TCP1: variants seen among roughly 807,000 people sequenced by gnomAD.
The protein encoded by TCP1 is T-complex protein 1 subunit alpha.
Under a neutral mutation model 54.7 loss-of-function variants are expected in TCP1, and 6 were observed. The observed-to-expected ratio is 0.11, with a 90% CI of 0.06 to 0.22. TCP1 has a LOEUF of 0.22. Among genes scored for constraint, TCP1 ranks in the 10% least tolerant of loss-of-function variants. TCP1 has a pLI of 1.00. For missense variants in TCP1, 511 were observed against 678.2 expected (o/e 0.75, Z 2.74); for synonymous variants, 225 against 229.7 (o/e 0.98, Z 0.19).
chr6:159,781,387 C>G (rs1780572748), intron 7 of TCP1, among the ~76,000 whole-genome samples: 1 of 152,142 alleles, frequency 6.6e-6, no homozygotes, highest in African/African-American at 2.4e-5. Flanking sequence ...AGAGGGATTA[C>G]CAATCACACT....
At chr6:159,785,798 A>G in intron 4 of TCP1, 102 bp downstream of exon 4, 1 of 958,410 alleles carries the variant, frequency 1.0e-6, no homozygotes, top group Non-Finnish European at 1.6e-6. Context: ...ATTTAAATTG[A>G]AGGTTTTCAA....
At chr6:159,782,152 G>A (rs937355486) in intron 7 of TCP1, among the ~76,000 whole-genome samples, 1 of 152,194 alleles carries the variant, frequency 6.6e-6, no homozygotes, top group South Asian at 2.1e-4. Flanking sequence ...TTACTCAGGT[G>A]AAGCTCCCAG....
At position 159,789,557 on chromosome 6, in the gene TCP1, G is replaced by C; in HGVS notation, c.-89C>G. 1 of 1,485,856 alleles carries C rather than the reference G, an allele frequency of 6.7e-7. No individual in the cohort carries two copies. Among genetic ancestry groups the C allele is most frequent in the Non-Finnish European group, 9.3e-7 (1 of 1,076,832 alleles). 92.0% of individuals were successfully genotyped at this position (1,485,856 alleles called of 1,614,324 possible). ...CGGCCGACCGGCGACCACAGCAGTG[G>C]CTGCGACGGCGTGGAGCGTACCCGA... On this transcript the variant is annotated 5_prime_UTR_variant, in exon 1 of 12. Transcript: ENST00000321394.
At chr6:159,780,636 G>C (rs1459534113) in intron 8 of TCP1, 70 bp from the exon 9 acceptor site, 7 of 1,555,052 alleles carry the variant, frequency 4.5e-6, no homozygotes, top group Non-Finnish European at 5.2e-6. Context: ...GGACTCAGTA[G>C]CATTTGTGGT....
At chr6:159,779,543 G>A in intron 11 of TCP1, 84 bp downstream of exon 11, 2 of 1,488,706 alleles carry the variant, frequency 1.3e-6, no homozygotes, top group Middle Eastern at 3.6e-4. Context: ...TGTTACTTAT[G>A]TTTGCTGACA....
At chr6:159,780,141 TGCCAAGACCA>T in intron 9 of TCP1, 54 bp from the exon 10 acceptor site, 1 of 1,567,398 alleles carries the variant, frequency 6.4e-7, no homozygotes, top group African/African-American at 1.4e-5. Flanking sequence ...AATTTTTTTT[TGCCAAGACCA>T]TCAATTTCTC....
intron 7 of TCP1, 63 bp downstream of exon 7, chr6:159,783,877 TA>T: frequency 6.6e-7 from 1 of 1,506,690 alleles, no homozygotes; most frequent in Non-Finnish European, 8.8e-7. Context: ...TTGACTTGGC[TA>T]AAAATGTTAA....
chr6:159,782,104 TTTAG>T (rs1296990612), intron 7 of TCP1, among the ~76,000 whole-genome samples: 1 of 150,510 alleles, frequency 6.6e-6, no homozygotes, highest in Non-Finnish European at 1.5e-5. Context: ...GAAATGAGAG[TTTAG>T]TTGAGGACAA....
At chr6:159,783,513 C>G (rs781296754) in intron 7 of TCP1, among the ~76,000 whole-genome samples, 2 of 149,916 alleles carry the variant, frequency 1.3e-5, no homozygotes, top group African/African-American at 4.9e-5. Flanking sequence ...CAAAGTGTTG[C>G]GATTACAGGC....
Position 159,785,173 on chromosome 6 carries a change from C to T in TCP1, c.488+213G>A, listed in dbSNP as rs548229136. Reference sequence around the variant, plus strand: ...CACAAAATTGATACTGCTGCTACTACGCACGCGTGCGCGCAACACATGCGC... The same window carrying T: ...CACAAAATTGATACTGCTGCTACTATGCACGCGTGCGCGCAACACATGCGC... On this transcript the variant is annotated intron_variant, in intron 5 of 11. Transcript: ENST00000321394. 7.6e-5 allele frequency: 46 copies of T among 606,220 alleles called. No homozygotes were observed. In the Middle Eastern group the frequency reaches 1.3e-3, roughly 17 times the overall value. 37.6% of individuals were successfully genotyped at this position (606,220 alleles called of 1,614,324 possible).
chr6:159,778,653 C>A lies in TCP1; in HGVS notation c.*392G>T, dbSNP rs774242898. On this transcript the variant is annotated 3_prime_UTR_variant, in exon 12 of 12. Transcript: ENST00000321394. ...TAAACAATCTAAATCTTTTCTCCCC[C>A]GTTAGGTCAATATTGAAGGAGGGGC... 2 of 1,613,502 alleles carry A rather than the reference C, an allele frequency of 1.2e-6. No individual in the cohort carries two copies. Among genetic ancestry groups the A allele is most frequent in the South Asian group, 1.1e-5 (1 of 91,016 alleles).
At chr6:159,779,411 A>G in intron 11 of TCP1, 150 bp from the exon 12 acceptor site, 3 of 964,284 alleles carry the variant, frequency 3.1e-6, no homozygotes, top group South Asian at 1.7e-5. Context: ...GCAGGGAGAG[A>G]TTAGCAATCA....
Position 159,779,886 on chromosome 6 carries a change from T to G in TCP1, c.1290+9A>C, listed in dbSNP as rs1208218160. ...TCAGGCCTCTAAGACAAGAAATGAC[T>G]GTTCTTACCATGCTGGTTGCATAGT... is the stretch of plus-strand genomic sequence containing the variant. On this transcript the variant is annotated intron_variant, in intron 10 of 11. Transcript: ENST00000321394. The G allele has an allele frequency of 6.2e-7, 1 of 1,612,806 alleles. No individual in the cohort carries two copies. The highest frequency in any genetic ancestry group is 1.7e-5 in the Admixed American group (1 of 59,788).
chr6:159,786,993 C>T (rs1044787412), intron 3 of TCP1, among the ~76,000 whole-genome samples: 1 of 150,450 alleles, frequency 6.6e-6, no homozygotes, highest in African/African-American at 2.5e-5. Flanking sequence ...CGTGTAATCC[C>T]AGCACTACAG....
In TCP1 at chr6:159,778,851, C is replaced by T. The variant is rs1231129899; in HGVS notation, c.*194G>A. On this transcript the variant is annotated 3_prime_UTR_variant, in exon 12 of 12. Coordinates refer to ENST00000321394, the MANE Select transcript of TCP1 (RefSeq NM_030752.3). ...ATGAATTGCTTAAACTTTGAACAAC[C>T]TCAATTTCTTTTTAAACTAATAAAG... is the stretch of plus-strand genomic sequence containing the variant. 3 of 1,613,492 alleles carry T rather than the reference C, an allele frequency of 1.9e-6. No homozygotes were observed. The highest frequency in any genetic ancestry group is 2.5e-6 in the Non-Finnish European group (3 of 1,179,634).
chr6:159,778,714 G>C lies in TCP1; in HGVS notation c.*331C>G, dbSNP rs1167817252. ...GGCCACCCTCTTGGAGCATCTGGCTGTCGAATTCTTGTGACCCTGTTACAC... is the reference window on the plus strand; with the variant it reads ...GGCCACCCTCTTGGAGCATCTGGCTCTCGAATTCTTGTGACCCTGTTACAC... On this transcript the variant is annotated 3_prime_UTR_variant, in exon 12 of 12. Coordinates refer to ENST00000321394, the MANE Select transcript of TCP1 (RefSeq NM_030752.3). 6.2e-7 allele frequency: 1 copy of C among 1,614,130 alleles called. No homozygotes were observed. The highest frequency in any genetic ancestry group is 1.3e-5 in the African/African-American group (1 of 74,946).
chr6:159,787,564 A>G (rs1780728473), intron 3 of TCP1, among the ~76,000 whole-genome samples, 179 bp downstream of exon 3: 1 of 151,766 alleles, frequency 6.6e-6, no homozygotes, highest in Non-Finnish European at 1.5e-5. Context: ...TGTACCTAAG[A>G]AGCTTATTTC....
chr6:159,783,860 A>T (rs929424992), intron 7 of TCP1, 81 bp downstream of exon 7: 17 of 1,480,210 alleles, frequency 1.1e-5, no homozygotes, highest in Admixed American at 7.5e-5. Context: ...TCTGGAAGTA[A>T]AATAGTTTGA....
At chr6:159,788,428 A>C in intron 1 of TCP1, 1 of 335,578 alleles carries the variant, frequency 3.0e-6, no homozygotes. Context: ...TTCTACAAAA[A>C]ATAAAAACAA....
Sources: gnomAD v4.1 joint callset for allele counts (sites outside exome capture counted in the v4.1 genomes callset) on GRCh38, gnomAD v4.1.1 for gene constraint, MANE v1.5 for transcripts, NCBI Gene and HGNC (gene_info 2026-07-23, HGNC 2026-07-21) for gene names.